PLCB1: variants seen among roughly 807,000 people sequenced by gnomAD.
The protein encoded by PLCB1 is 1-phosphatidylinositol 4,5-bisphosphate phosphodiesterase beta-1.
In PLCB1, 46 loss-of-function variants were observed where a neutral mutation model predicts 161.8. That is an observed-to-expected ratio of 0.28 (90% confidence interval 0.22 to 0.36). PLCB1 has a LOEUF of 0.36. PLCB1 is among the 10% of genes least tolerant of loss of function. PLCB1 has a pLI of 1.00. For synonymous variants in PLCB1, 517 were observed against 503.7 expected, an observed-to-expected ratio of 1.03 and a Z score of -0.35; for missense variants, 1,016 against 1,472.5, an observed-to-expected ratio of 0.69 and a Z score of 5.07.
chr20:8,821,847 G>A (rs6077426), intron 31 of PLCB1, among the ~76,000 whole-genome samples: 86,386 of 151,434 alleles, frequency 0.57, 25,919 homozygotes, highest in East Asian at 0.73. Context: ...CTCGCAGTGT[G>A]CACTATACTT....
intron 31 of PLCB1, among the ~76,000 whole-genome samples, chr20:8,807,158 A>G (rs1984578396): frequency 6.6e-6 from 1 of 152,178 alleles, no homozygotes; most frequent in African/African-American, 2.4e-5. Context: ...GCGATTAATT[A>G]AAGTCGGAAG....
At chr20:8,392,266 A>G (rs1015391065) in intron 3 of PLCB1, among the ~76,000 whole-genome samples, 4 of 152,196 alleles carry the variant, frequency 2.6e-5, no homozygotes, top group Middle Eastern at 3.4e-3. Context: ...ATCTGAGGAC[A>G]CAGCATTCGA....
intron 2 of PLCB1, among the ~76,000 whole-genome samples, chr20:8,269,278 C>G (rs376665849): frequency 2.3e-4 from 35 of 152,164 alleles, no homozygotes; most frequent in African/African-American, 7.7e-4. Flanking sequence ...TGTTCCCCTC[C>G]CTGTGTCCAT....
At chr20:8,340,120 AT>A (rs1397814595) in intron 2 of PLCB1, among the ~76,000 whole-genome samples, 1 of 152,124 alleles carries the variant, frequency 6.6e-6, no homozygotes, top group Non-Finnish European at 1.5e-5. Flanking sequence ...CAACTCTCTA[AT>A]TCCCCTTAAT....
At chr20:8,357,587 G>A (rs1035812847) in intron 2 of PLCB1, among the ~76,000 whole-genome samples, 80 of 152,160 alleles carry the variant, frequency 5.3e-4, no homozygotes, top group African/African-American at 1.9e-3. Flanking sequence ...GGGGCCGAGC[G>A]AGGAGGATCC....
At chr20:8,523,496 C>CTCTATATATA in intron 3 of PLCB1, among the ~76,000 whole-genome samples, 5 of 51,654 alleles carry the variant, frequency 9.7e-5, no homozygotes, top group East Asian at 4.0e-4. Context: ...CTCTCTCTCT[C>CTCTATATATA]TATATATATA....
At chr20:8,214,367 G>A (rs1364769874) in intron 2 of PLCB1, among the ~76,000 whole-genome samples, 1 of 152,022 alleles carries the variant, frequency 6.6e-6, no homozygotes, top group Non-Finnish European at 1.5e-5. Flanking sequence ...CAGGAGATCT[G>A]CCTATTTAAA....
chr20:8,224,532 A>G (rs1266917660), intron 2 of PLCB1, among the ~76,000 whole-genome samples: 1 of 152,204 alleles, frequency 6.6e-6, no homozygotes, highest in Non-Finnish European at 1.5e-5. Flanking sequence ...TGCATAAACC[A>G]TAAATGTTAA....
intron 2 of PLCB1, among the ~76,000 whole-genome samples, chr20:8,257,109 A>G (rs1981463353): frequency 6.6e-6 from 1 of 152,178 alleles, no homozygotes; most frequent in South Asian, 2.1e-4. Flanking sequence ...TAAAAGTTCT[A>G]GGTTTTAGAT....
rs942383564 is a variant in PLCB1, at chr20:8,352,829, G to T, written c.178-18553G>T. ...CACTGTTGGAGCAGGTAGTTATAGA[G>T]CAAAGGAAAGGTGCTAGAATGATCC... is the stretch of plus-strand genomic sequence containing the variant. On this transcript the variant is annotated intron_variant, in intron 2 of 31. Coordinates refer to ENST00000338037, the MANE Select transcript of PLCB1 (RefSeq NM_015192.4). 2.0e-5 allele frequency among the ~76,000 whole-genome samples: 3 copies of T among 152,130 alleles called. 1 individual carries two copies. The highest frequency in any genetic ancestry group is 4.4e-5 in the Non-Finnish European group (3 of 67,986).
chr20:8,277,759 G>A (rs1349477710), intron 2 of PLCB1, among the ~76,000 whole-genome samples: 2 of 152,142 alleles, frequency 1.3e-5, no homozygotes, highest in African/African-American at 4.8e-5. Flanking sequence ...ATATGAGACT[G>A]AAGCTCTCCA....
chr20:8,571,505 TA>T (rs916101983), intron 3 of PLCB1, among the ~76,000 whole-genome samples: 9 of 151,924 alleles, frequency 5.9e-5, no homozygotes, highest in Non-Finnish European at 1.0e-4. Context: ...AAATAAAAAA[TA>T]AAGGATCTGT....
At chr20:8,843,015 T>C (rs1046032570) in intron 31 of PLCB1, among the ~76,000 whole-genome samples, 75 of 152,256 alleles carry the variant, frequency 4.9e-4, no homozygotes, top group African/African-American at 1.7e-3. Flanking sequence ...GGCCGAAATA[T>C]AAAAGAGAAA....
intron 10 of PLCB1, among the ~76,000 whole-genome samples, chr20:8,697,425 C>T (rs550313840): frequency 6.6e-6 from 1 of 152,152 alleles, no homozygotes; most frequent in African/African-American, 2.4e-5. Context: ...AATGCCCTAT[C>T]TTTTCCCAAA....
chr20:8,452,244 A>G (rs887192903), intron 3 of PLCB1, among the ~76,000 whole-genome samples: 2 of 152,056 alleles, frequency 1.3e-5, no homozygotes, highest in Non-Finnish European at 2.9e-5. Flanking sequence ...ACTTTTTTTC[A>G]ATTTTAATTT....
At chr20:8,610,161 T>C (rs1378978219) in intron 3 of PLCB1, among the ~76,000 whole-genome samples, 2 of 152,212 alleles carry the variant, frequency 1.3e-5, no homozygotes, top group African/African-American at 4.8e-5. Flanking sequence ...AAAATTATGT[T>C]GGTGCAAAAG....
At chr20:8,574,216 G>A (rs781379960) in intron 3 of PLCB1, among the ~76,000 whole-genome samples, 7 of 152,046 alleles carry the variant, frequency 4.6e-5, no homozygotes, top group Admixed American at 1.3e-4. Flanking sequence ...CAACCAATAT[G>A]GGTGAAACCC....
At chr20:8,509,091 AT>A (rs546670308) in intron 3 of PLCB1, among the ~76,000 whole-genome samples, 6 of 152,144 alleles carry the variant, frequency 3.9e-5, no homozygotes, top group Admixed American at 1.3e-4. Context: ...TTAATTGTAT[AT>A]TTTTTCCCTT....
At chr20:8,314,317 G>T (rs1353971274) in intron 2 of PLCB1, among the ~76,000 whole-genome samples, 1 of 152,092 alleles carries the variant, frequency 6.6e-6, no homozygotes, top group African/African-American at 2.4e-5. Flanking sequence ...TTTTTTCGGA[G>T]TTGTATCTTA....
Sources: allele counts gnomAD v4.1 joint callset (sites outside exome capture counted in the v4.1 genomes callset), GRCh38; gene constraint gnomAD v4.1.1; transcripts MANE v1.5; gene names NCBI Gene and HGNC (gene_info 2026-07-23, HGNC 2026-07-21).